Variants in NLN observed in about 807,000 individuals in gnomAD.
NLN encodes the protein neurolysin, mitochondrial.
Under a neutral mutation model 79.9 loss-of-function variants are expected in NLN, and 64 were observed. That is an observed-to-expected ratio of 0.80 (90% CI 0.65 to 0.99). The LOEUF is 0.99. Ranked by LOEUF, NLN falls within the 50% of genes least tolerant of loss-of-function variation. The pLI is 0.00. For missense variants in NLN, 835 were observed against 858.7 expected, an observed-to-expected ratio of 0.97 and a Z score of 0.34; for synonymous variants, 267 against 296.6, an observed-to-expected ratio of 0.90 and a Z score of 1.02.
intron 1 of NLN, among the ~76,000 whole-genome samples, chr5:65,749,020 G>T (rs1002514855): frequency 3.3e-5 from 5 of 152,288 alleles, no homozygotes; most frequent in African/African-American, 1.2e-4. Context: ...AGATCTGATG[G>T]TTTCATAAAG....
At chr5:65,782,398 T>C (rs1759820581) in intron 6 of NLN, among the ~76,000 whole-genome samples, 1 of 152,210 alleles carries the variant, frequency 6.6e-6, no homozygotes, top group Admixed American at 6.5e-5. Context: ...GTAGGTTTGT[T>C]GTCTGTTTGC....
At chr5:65,816,727 G>C (rs149166476) in intron 12 of NLN, among the ~76,000 whole-genome samples, 14 of 152,160 alleles carry the variant, frequency 9.2e-5, no homozygotes, top group African/African-American at 2.9e-4. Flanking sequence ...ACATAGACAG[G>C]ATAAAAATAT....
At chr5:65,756,361 C>T (rs11959816) in intron 1 of NLN, among the ~76,000 whole-genome samples, 16 of 152,168 alleles carry the variant, frequency 1.1e-4, no homozygotes, top group Non-Finnish European at 2.4e-4. Flanking sequence ...TCTTGACTCT[C>T]TCACCTCCAC....
chr5:65,785,698 T>G, intron 6 of NLN, 77 bp from the exon 7 acceptor site: 1 of 1,145,868 alleles, frequency 8.7e-7, no homozygotes, highest in Non-Finnish European at 1.3e-6. Context: ...TAAAAATACA[T>G]ACAGTAATTC....
chr5:65,753,274 C>G (rs1382654395), intron 1 of NLN, among the ~76,000 whole-genome samples: 1 of 152,148 alleles, frequency 6.6e-6, no homozygotes, highest in Non-Finnish European at 1.5e-5. Flanking sequence ...ACCACTCAGC[C>G]TTCCAGTAAA....
At chr5:65,752,527 G>C (rs1431612342) in intron 1 of NLN, among the ~76,000 whole-genome samples, 1 of 152,160 alleles carries the variant, frequency 6.6e-6, no homozygotes, top group Non-Finnish European at 1.5e-5. Context: ...ATCTTCACCA[G>C]GTTCTCAAGA....
chr5:65,822,821 G>A lies in NLN; in HGVS notation c.2021G>A (p.Gly674Glu). ...AGAAACCTAATCCTGAAACCTGGGG[G>A]ATCTCTGGACGGCATGGACATGCTC... The part of the protein sequence containing the change: ...KYRNLILKPG[G>E]SLDGMDMLHN... Residue 674 changes from glycine (G) to glutamate (E), a missense_variant, in exon 13 of 13, where the codon GGA becomes GAA. Coordinates refer to ENST00000380985, the MANE Select transcript of NLN (RefSeq NM_020726.5). The A allele has an allele frequency of 6.2e-7, 1 of 1,611,762 alleles. No homozygotes were observed. The highest frequency in any genetic ancestry group is 8.5e-7 in the Non-Finnish European group (1 of 1,177,880).
intron 1 of NLN, among the ~76,000 whole-genome samples, chr5:65,745,240 G>A (rs1426478257): frequency 1.3e-5 from 2 of 152,192 alleles, no homozygotes; most frequent in African/African-American, 4.8e-5. Context: ...AGTCAGACAT[G>A]TGATGTAAGC....
chr5:65,803,512 T>C (rs1019860637), intron 9 of NLN, among the ~76,000 whole-genome samples: 2 of 152,072 alleles, frequency 1.3e-5, no homozygotes, highest in African/African-American at 4.8e-5. Context: ...GCTAATGGGT[T>C]GGGGGAGCTT....
chr5:65,759,924 A>G (rs1483419328), intron 2 of NLN, among the ~76,000 whole-genome samples: 1 of 152,136 alleles, frequency 6.6e-6, no homozygotes, highest in African/African-American at 2.4e-5. Context: ...TAGACCCTTC[A>G]AGTTATAAGG....
At chr5:65,764,641 A>G (rs1198824859) in intron 3 of NLN, among the ~76,000 whole-genome samples, 3 of 152,200 alleles carry the variant, frequency 2.0e-5, no homozygotes, top group Non-Finnish European at 4.4e-5. Context: ...ATAGACACCA[A>G]TGCGTTCATC....
rs754402290 is a variant in NLN, at chr5:65,810,028, T to C, written c.1715-9T>C. On this transcript the variant is annotated splice_polypyrimidine_tract_variant and intron_variant, in intron 10 of 12. Transcript: ENST00000380985. ...TTCAAAACATGCCCAAACATTCTTA[T>C]GTTATTAGGTCTTCTGACCCTGCGC... 14 of 1,613,172 alleles carry C rather than the reference T, an allele frequency of 8.7e-6. 1 individual carries two copies. In the South Asian group the frequency reaches 9.9e-5, roughly 11 times the overall value.
rs1760875601 is a variant in NLN, at chr5:65,824,535, T to C, written c.*1620T>C. 6.6e-6 allele frequency: 1 copy of C among 152,198 alleles called. No individual in the cohort carries two copies. The allele number at this position is 152,198 out of a possible 1,614,324, so 9.4% of individuals were successfully genotyped here. A position where few individuals can be genotyped will look rare whatever the true frequency, so the allele number is the denominator to read the frequency against. ...TTCTCACATCTTTCCCCCTAGACTT[T>C]TCTGTTTTTCAGTTTCAGACAAAAA... is the stretch of plus-strand genomic sequence containing the variant. On this transcript the variant is annotated 3_prime_UTR_variant, in exon 13 of 13. Coordinates refer to ENST00000380985, the MANE Select transcript of NLN (RefSeq NM_020726.5).
chr5:65,779,284 A>G (rs1400446128), intron 4 of NLN, among the ~76,000 whole-genome samples: 2 of 152,182 alleles, frequency 1.3e-5, no homozygotes, highest in African/African-American at 4.8e-5. Context: ...GCTCCTAGCC[A>G]GGGCCACACT....
chr5:65,822,238 G>A (rs1000459342), intron 12 of NLN, among the ~76,000 whole-genome samples: 13 of 152,174 alleles, frequency 8.5e-5, no homozygotes, highest in Admixed American at 5.2e-4. Context: ...CCCAGCATCG[G>A]ACCCACAAAA....
intron 2 of NLN, among the ~76,000 whole-genome samples, chr5:65,761,608 A>G (rs1759342562): frequency 6.6e-6 from 1 of 152,182 alleles, no homozygotes; most frequent in Non-Finnish European, 1.5e-5. Context: ...TTAAAAGTAA[A>G]CATATTGCAA....
chr5:65,776,128 C>T (rs933999407), intron 3 of NLN, among the ~76,000 whole-genome samples: 1 of 152,194 alleles, frequency 6.6e-6, no homozygotes, highest in Admixed American at 6.5e-5. Flanking sequence ...TGGCACATGC[C>T]TGTGATCCTA....
At chr5:65,760,874 G>A (rs1759322205) in intron 2 of NLN, among the ~76,000 whole-genome samples, 1 of 152,242 alleles carries the variant, frequency 6.6e-6, no homozygotes, top group East Asian at 1.9e-4. Flanking sequence ...TCTCTCAATA[G>A]TAGATCTTTT....
chr5:65,777,984 T>C (rs957406129), intron 4 of NLN, among the ~76,000 whole-genome samples: 1 of 152,220 alleles, frequency 6.6e-6, no homozygotes, highest in Non-Finnish European at 1.5e-5. Flanking sequence ...GTTTTATTTA[T>C]TTCATGTGTG....
Sources: gnomAD v4.1 joint callset for allele counts (sites outside exome capture counted in the v4.1 genomes callset) on GRCh38, gnomAD v4.1.1 for gene constraint, MANE v1.5 for transcripts, NCBI Gene and HGNC (gene_info 2026-07-23, HGNC 2026-07-21) for gene names.